ACP7: variants seen among roughly 807,000 people sequenced by gnomAD.
ACP7 encodes acid phosphatase type 7.
Under a neutral mutation model 60.6 loss-of-function variants are expected in ACP7, and 58 were observed. The observed-to-expected ratio is 0.96, with a 90% CI of 0.77 to 1.19. ACP7 has a LOEUF of 1.19. Among genes scored for constraint, ACP7 ranks in the 50% most tolerant of loss-of-function variants. The pLI is 0.00. For synonymous variants in ACP7, 237 were observed against 232.6 expected (o/e 1.02, Z -0.17); for missense variants, 574 against 596.2 (o/e 0.96, Z 0.39).
intron 2 of ACP7, among the ~76,000 whole-genome samples, 178 bp from the exon 3 acceptor site, chr19:39,098,275 AAAAAG>A (rs953000401): frequency 4.0e-4 from 51 of 126,702 alleles, no homozygotes; most frequent in Middle Eastern, 4.0e-3. Context: ...AAAAAAAAAA[AAAAAG>A]AAAAGAAAAG....
intron 11 of ACP7, among the ~76,000 whole-genome samples, chr19:39,102,781 T>TTCTC (rs1215908836): frequency 2.5e-5 from 3 of 118,182 alleles, no homozygotes; most frequent in African/African-American, 9.9e-5. Flanking sequence ...CTCTCTCTCT[T>TTCTC]TCTCTCTCTC....
intron 2 of ACP7, among the ~76,000 whole-genome samples, chr19:39,098,168 T>C (rs573095019): frequency 1.4e-5 from 2 of 146,598 alleles, no homozygotes; most frequent in East Asian, 4.0e-4. Flanking sequence ...GGAGAATCGC[T>C]TGAACCTGCG....
At chr19:39,085,677 G>A (rs552821949) in intron 2 of ACP7, among the ~76,000 whole-genome samples, 4 of 152,296 alleles carry the variant, frequency 2.6e-5, no homozygotes, top group South Asian at 4.1e-4. Context: ...GACCTGGCAC[G>A]TTTGTTCGTT....
intron 12 of ACP7, 36 bp from the exon 13 acceptor site, chr19:39,110,010 GGCTTTCA>G (rs778318080): frequency 1.9e-6 from 3 of 1,586,922 alleles, no homozygotes; most frequent in Non-Finnish European, 2.6e-6. Context: ...CCAGAGTTCA[GGCTTTCA>G]GCTCTAACTA....
intron 4 of ACP7, 126 bp from the exon 5 acceptor site, chr19:39,100,101 T>G: frequency 7.5e-7 from 1 of 1,336,966 alleles, no homozygotes. Context: ...GCTCAAGTGA[T>G]ACTCTTGCCT....
Position 39,086,467 on chromosome 19 carries a change from CAA to C in ACP7, c.121+1083_121+1084del, listed in dbSNP as rs935243524. Among the ~76,000 whole-genome samples, 34 of 150,594 alleles carry C rather than the reference CAA, an allele frequency of 2.3e-4. 1 individual carries two copies. The highest frequency in any genetic ancestry group is 2.1e-3 in the Admixed American group (32 of 15,056). On this transcript the variant is annotated intron_variant, in intron 2 of 12. Transcript: ENST00000331256. Reference sequence around the variant, plus strand: ...TAACATGGGTGAAACCCGGTCTCTACAAAAAAATTAAAAAATTAGCTGGGCAT... The same window carrying C: ...TAACATGGGTGAAACCCGGTCTCTACAAAAATTAAAAAATTAGCTGGGCAT...
chr19:39,087,632 G>GT lies in ACP7; in HGVS notation c.121+2261dup, dbSNP rs58068960. ...CATGACACCATGCCCAGCTAATTTT[G>GT]TTTTTTTTTTTTTTTTTTTGAGATG... On this transcript the variant is annotated intron_variant, in intron 2 of 12. Transcript: ENST00000331256. Among the ~76,000 whole-genome samples the GT allele has an allele frequency of 3.0e-3, 391 of 131,510 alleles. 1 individual carries two copies. Among genetic ancestry groups the GT allele is most frequent in the Middle Eastern group, 3.9e-3 (1 of 258 alleles). The allele number at this position is 131,510 out of a possible 152,430, so 86.3% of individuals were successfully genotyped here. A position where few individuals can be genotyped will look rare whatever the true frequency, so the allele number is the denominator to read the frequency against.
chr19:39,102,767 C>CTTTCTTTCTTTCTTTCTTTTTCTTTCTT, intron 11 of ACP7, among the ~76,000 whole-genome samples: 2 of 101,152 alleles, frequency 2.0e-5, no homozygotes, highest in East Asian at 6.6e-4. Context: ...TTCTTTCTTT[C>CTTTCTTTCTTTCTTTCTTTTTCTTTCTT]TCTCTCTCTC....
Position 39,099,124 on chromosome 19 carries a change from G to A in ACP7, c.487G>A (p.Asp163Asn). ...CAGGGACACCCAGCAGGGCATGTAT[G>A]ACGCCGTTCTCCATGTGGGTGAGGC... Reference protein sequence around the residue: ...LRRDTQQGMYDAVLHVGDFAY... With the variant: ...LRRDTQQGMYNAVLHVGDFAY... The change falls in exon 4 of 13, where the codon GAC becomes AAC. Residue 163 changes from aspartate (D) to asparagine (N), a missense_variant. By Grantham distance (23) the Asp-to-Asn change is conservative (BLOSUM62 1). Transcript: ENST00000331256. 1.3e-6 allele frequency: 2 copies of A among 1,556,476 alleles called. No homozygotes were observed. The highest frequency in any genetic ancestry group is 1.7e-6 in the Non-Finnish European group (2 of 1,155,106).
chr19:39,108,139 ATTTT>A (rs35561896), intron 12 of ACP7, among the ~76,000 whole-genome samples: 19 of 135,066 alleles, frequency 1.4e-4, no homozygotes, highest in Non-Finnish European at 1.4e-4. Context: ...CACTCATCTA[ATTTT>A]TTTTTTTTTT....
Position 39,110,061 on chromosome 19 carries a change from G to A in ACP7, c.1260G>A (p.Lys420=). ...IQQVSDDQDG[K]IVDDVWVVRP... ...GTTTTTGTCCCTCACAGGATGGGAA[G>A]ATCGTAGATGATGTCTGGGTGGTGA... is the stretch of plus-strand genomic sequence containing the variant. Residue 420 remains lysine (K), a synonymous_variant, in exon 13 of 13, where the codon AAG becomes AAA. Transcript: ENST00000331256. 1 of 1,613,806 alleles carries A rather than the reference G, an allele frequency of 6.2e-7. No homozygotes were observed. Among genetic ancestry groups the A allele is most frequent in the Non-Finnish European group, 8.5e-7 (1 of 1,179,658 alleles).
intron 2 of ACP7, among the ~76,000 whole-genome samples, chr19:39,087,632 GT>G (rs58068960): frequency 0.57 from 74,470 of 131,522 alleles, 20,170 homozygotes; most frequent in East Asian, 0.72. Context: ...AGCTAATTTT[GT>G]TTTTTTTTTT....
chr19:39,084,294 C>T (rs1372053198), upstream of ACP7: 2 of 152,414 alleles, frequency 1.3e-5, no homozygotes, highest in African/African-American at 4.8e-5. Context: ...TCTTCCGGGG[C>T]TGGGACGGCT....
intron 2 of ACP7, among the ~76,000 whole-genome samples, chr19:39,093,445 G>A (rs766520240): frequency 7.0e-4 from 106 of 151,994 alleles, no homozygotes; most frequent in Non-Finnish European, 1.3e-3. Context: ...GTAGAGACCG[G>A]GTTTTGCCAT....
chr19:39,086,084 G>A (rs1349587086), intron 2 of ACP7, among the ~76,000 whole-genome samples: 2 of 152,186 alleles, frequency 1.3e-5, no homozygotes, highest in Non-Finnish European at 2.9e-5. Context: ...AGCAGTTTGG[G>A]AGGCTGAGGC....
intron 2 of ACP7, among the ~76,000 whole-genome samples, chr19:39,093,319 A>G (rs2073231800): frequency 6.7e-6 from 1 of 148,184 alleles, no homozygotes; most frequent in Non-Finnish European, 1.5e-5. Flanking sequence ...GAGTGGCACA[A>G]TCTCAGCTCA....
At chr19:39,090,099 T>G (rs1360714903) in intron 2 of ACP7, among the ~76,000 whole-genome samples, 1 of 152,160 alleles carries the variant, frequency 6.6e-6, no homozygotes, top group Non-Finnish European at 1.5e-5. Flanking sequence ...AGTGTGGTAT[T>G]TGCCTAATGG....
chr19:39,085,312 C>T lies in ACP7; in HGVS notation c.43C>T (p.Leu15=), dbSNP rs548814152. 1 of 1,613,828 alleles carries T rather than the reference C, an allele frequency of 6.2e-7. No homozygotes were observed. The highest frequency in any genetic ancestry group is 1.3e-5 in the African/African-American group (1 of 75,050). Residue 15 remains leucine (L), a synonymous_variant, in exon 2 of 13, where the codon CTG becomes TTG. Coordinates refer to ENST00000331256, the MANE Select transcript of ACP7 (RefSeq NM_001004318.3). Reference sequence around the variant, plus strand: ...CTACTGGTCCTGTTACTGTCTACTCCTGCTATTCTCCTTGGGAGTCCAGGG... The same window carrying T: ...CTACTGGTCCTGTTACTGTCTACTCTTGCTATTCTCCTTGGGAGTCCAGGG... ...PGYWSCYCLL[L]LFSLGVQGSL...
chr19:39,085,780 C>T (rs1231988386), intron 2 of ACP7, among the ~76,000 whole-genome samples: 5 of 152,188 alleles, frequency 3.3e-5, no homozygotes, highest in Non-Finnish European at 7.4e-5. Context: ...CATCCCTCTT[C>T]TCCTCTTCCC....
Sources: allele counts gnomAD v4.1 joint callset (sites outside exome capture counted in the v4.1 genomes callset), GRCh38; gene constraint gnomAD v4.1.1; transcripts MANE v1.5; gene names NCBI Gene and HGNC (gene_info 2026-07-23, HGNC 2026-07-21).